The following NRG2 variants were observed in gnomAD, a reference collection of about 807,000 sequenced individuals.
NRG2 encodes the protein pro-neuregulin-2, membrane-bound isoform.
NRG2 carries 27 observed loss-of-function variants against 73.9 expected under a neutral mutation model. The ratio of observed to expected loss-of-function variants is 0.37; its 90% CI spans 0.27 to 0.50. The LOEUF (loss-of-function observed/expected upper bound fraction) is 0.50, where lower values mean the gene tolerates loss of function less well. Among genes scored for constraint, NRG2 ranks in the 20% least tolerant of loss-of-function variants. The pLI, the probability that NRG2 is intolerant of heterozygous loss-of-function variation, is 0.96. For synonymous variants in NRG2, 532 were observed against 541.0 expected, an observed-to-expected ratio of 0.98 and a Z score of 0.23; for missense variants, 1,126 against 1,210.1, an observed-to-expected ratio of 0.93 and a Z score of 1.03.
At chr5:139,876,073 G>C (rs1763158764) in intron 3 of NRG2, among the ~76,000 whole-genome samples, 1 of 152,160 alleles carries the variant, frequency 6.6e-6, no homozygotes. Flanking sequence ...CAGCCAAAAT[G>C]TGGAAACAAT....
chr5:139,909,359 G>A (rs1453252200), intron 1 of NRG2, among the ~76,000 whole-genome samples: 2 of 152,174 alleles, frequency 1.3e-5, no homozygotes, highest in Non-Finnish European at 2.9e-5. Context: ...GGGACTCCGA[G>A]TCTTACCTAT....
At chr5:139,972,736 G>A (rs976989674) in intron 1 of NRG2, among the ~76,000 whole-genome samples, 1 of 151,856 alleles carries the variant, frequency 6.6e-6, no homozygotes, top group Non-Finnish European at 1.5e-5. Context: ...AAAAAGAATG[G>A]CACAAAACTA....
rs1482052558 is a variant in NRG2 at position 139,904,347 on chromosome 5, C to T, written c.701-16836G>A. The T allele has an allele frequency of 3.8e-6, 6 of 1,593,356 alleles. No individual in the cohort carries two copies. Among genetic ancestry groups the T allele is most frequent in the Non-Finnish European group, 4.2e-6 (5 of 1,177,912 alleles). On this transcript the variant is annotated intron_variant, in intron 1 of 9. Coordinates refer to ENST00000361474, the MANE Select transcript of NRG2 (RefSeq NM_004883.3). The surrounding 1 kb of genome is among the most constrained non-coding windows in gnomAD (Gnocchi z 6.0). ...CGGGCTCCCTCTCCCGCTTCCTCCC[C>T]TCTGGGTGCTTCTTGCCGCGGCCGC...
chr5:139,970,450 G>T lies in NRG2; in HGVS notation c.700+71920C>A, dbSNP rs914441057. ...CAACATCCCCACCTCCACTGGAGGG[G>T]CCCTCAAGAGTGAGCCACTAGAAGA... is the stretch of plus-strand genomic sequence containing the variant. On this transcript the variant is annotated intron_variant, in intron 1 of 9. Coordinates refer to ENST00000361474, the MANE Select transcript of NRG2 (RefSeq NM_004883.3). Among the ~76,000 whole-genome samples, 161 of 151,354 alleles carry T rather than the reference G, an allele frequency of 1.1e-3. 3 individuals carry two copies. The highest frequency in any genetic ancestry group is 4.6e-4 in the Admixed American group (7 of 15,112).
intron 1 of NRG2, among the ~76,000 whole-genome samples, chr5:139,911,111 C>T (rs986568517): frequency 2.0e-5 from 3 of 151,784 alleles, no homozygotes; most frequent in Non-Finnish European, 2.9e-5. Flanking sequence ...GGGAGCAGGA[C>T]GGGGAGAGGA....
rs546799107 is a variant in NRG2, at chr5:140,017,930, T to C, written c.700+24440A>G. On this transcript the variant is annotated intron_variant, in intron 1 of 9. Coordinates refer to ENST00000361474, the MANE Select transcript of NRG2 (RefSeq NM_004883.3). Reference sequence around the variant, plus strand: ...GTGAGAAGGGATGGACCACAGGACATAGTGGGAGGACTGGCCTCAGACTAG... The same window carrying C: ...GTGAGAAGGGATGGACCACAGGACACAGTGGGAGGACTGGCCTCAGACTAG... 5.9e-5 allele frequency among the ~76,000 whole-genome samples: 9 copies of C among 152,146 alleles called. No individual in the cohort carries two copies. In the East Asian group the frequency reaches 1.7e-3, roughly 29 times the overall value.
intron 6 of NRG2, 91 bp downstream of exon 6, chr5:139,855,585 T>TG: frequency 1.8e-6 from 2 of 1,106,660 alleles, no homozygotes. Context: ...AGGGCTCCAG[T>TG]GGGGTGGGGG....
In NRG2 at chr5:139,904,244, G is replaced by A; in HGVS notation, c.701-16733C>T. 6.5e-7 allele frequency: 1 copy of A among 1,528,982 alleles called. No individual in the cohort carries two copies. Among genetic ancestry groups the A allele is most frequent in the Non-Finnish European group, 8.8e-7 (1 of 1,142,006 alleles). 94.7% of individuals were successfully genotyped at this position (1,528,982 alleles called of 1,614,324 possible). A position where few individuals can be genotyped will look rare whatever the true frequency, so the allele number is the denominator to read the frequency against. ...ACTCACCCGCGCTGCGCTGGGGGCG[G>A]GTGAGCGGGCGGCAGGTTTCTCCCA... On this transcript the variant is annotated intron_variant, in intron 1 of 9. Transcript: ENST00000361474. This position sits in a 1 kb window ranked among gnomAD's most constrained non-coding sequence, Gnocchi z 6.0.
intron 3 of NRG2, among the ~76,000 whole-genome samples, chr5:139,879,169 C>T (rs1293358667): frequency 2.0e-5 from 3 of 152,146 alleles, no homozygotes; most frequent in South Asian, 4.1e-4. Flanking sequence ...TCAATAAATA[C>T]TGGCTATGAT....
intron 1 of NRG2, among the ~76,000 whole-genome samples, chr5:139,943,610 T>A (rs1753573300): frequency 6.6e-6 from 1 of 152,256 alleles, no homozygotes; most frequent in South Asian, 2.1e-4. Context: ...ATGTCTATAA[T>A]GCCATTGTGT....
At chr5:140,038,684 G>A (rs560947835) in intron 1 of NRG2, among the ~76,000 whole-genome samples, 1 of 152,308 alleles carries the variant, frequency 6.6e-6, no homozygotes, top group East Asian at 1.9e-4. Context: ...AGTACGAAAC[G>A]CGGCAGGGCA....
intron 1 of NRG2, among the ~76,000 whole-genome samples, chr5:139,900,128 C>T (rs1205957893): frequency 6.6e-6 from 1 of 152,006 alleles, no homozygotes; most frequent in Admixed American, 6.5e-5. Flanking sequence ...AGGCTCAGCT[C>T]CAATGTCATC....
intron 1 of NRG2, among the ~76,000 whole-genome samples, chr5:139,997,888 C>T (rs1359992813): frequency 1.3e-5 from 2 of 152,192 alleles, no homozygotes; most frequent in Non-Finnish European, 2.9e-5. Flanking sequence ...CCGGGTTTCC[C>T]GCTGGGGAGG....
At chr5:139,981,846 C>T (rs998863058) in intron 1 of NRG2, among the ~76,000 whole-genome samples, 2 of 152,212 alleles carry the variant, frequency 1.3e-5, no homozygotes, top group African/African-American at 2.4e-5. Context: ...ACAGAGCAAG[C>T]TCCCAGTATC....
rs145796771 is a variant in NRG2, at chr5:140,042,541, C to G, written c.529G>C (p.Glu177Gln). 4 of 1,612,726 alleles carry G rather than the reference C, an allele frequency of 2.5e-6. No homozygotes were observed. The highest frequency in any genetic ancestry group is 2.2e-5 in the East Asian group (1 of 44,792). The change falls in exon 1 of 10, where the codon GAG (glutamate) becomes CAG (glutamine). Residue 177 changes from glutamate (E) to glutamine (Q), a missense_variant. Physicochemically the swap from Glu to Gln is conservative, Grantham distance 29 (BLOSUM62 2). This residue lies in a region of NRG2 where 539 missense variants were observed against 703.2 expected (regional missense o/e 0.77). Transcript: ENST00000361474. Reference sequence around the variant, plus strand: ...CAGGAGCCCACGCTGATCACCTGCTCGCGCTGCAGCCCCCCGCTCCGGAGC... The same window carrying G: ...CAGGAGCCCACGCTGATCACCTGCTGGCGCTGCAGCCCCCCGCTCCGGAGC... ...WPLRSGGLQREQVISVGSCVP... is the reference protein window; with the variant it reads ...WPLRSGGLQRQQVISVGSCVP...
chr5:140,041,964 C>T (rs1210589046), intron 1 of NRG2, among the ~76,000 whole-genome samples: 1 of 152,066 alleles, frequency 6.6e-6, no homozygotes, highest in African/African-American at 2.4e-5. Context: ...AGCCTGGGCA[C>T]GGCAGGCCCG....
chr5:139,974,741 C>T (rs545356624), intron 1 of NRG2, among the ~76,000 whole-genome samples: 27 of 152,326 alleles, frequency 1.8e-4, no homozygotes, highest in Admixed American at 1.6e-3. Flanking sequence ...TGGTCCTCCA[C>T]CCAGCCTCGG....
rs932054241 is a variant in NRG2, at chr5:139,904,111, G to C, written c.701-16600C>G. Reference sequence around the variant, plus strand: ...GGGAGAGGCGCGCACAGCCACTGTCGGGCTCCTGGCACGCAGCCCCTTGCT... The same window carrying C: ...GGGAGAGGCGCGCACAGCCACTGTCCGGCTCCTGGCACGCAGCCCCTTGCT... On this transcript the variant is annotated intron_variant, in intron 1 of 9. Coordinates refer to ENST00000361474, the MANE Select transcript of NRG2 (RefSeq NM_004883.3). This position sits in a 1 kb window ranked among gnomAD's most constrained non-coding sequence, Gnocchi z 6.0. Among the ~76,000 whole-genome samples the C allele has an allele frequency of 6.6e-6, 1 of 152,100 alleles. No individual in the cohort carries two copies. Among genetic ancestry groups the C allele is most frequent in the East Asian group, 1.9e-4 (1 of 5,164 alleles).
intron 1 of NRG2, among the ~76,000 whole-genome samples, chr5:140,020,926 C>T (rs1371568328): frequency 6.6e-6 from 1 of 152,128 alleles, no homozygotes; most frequent in Admixed American, 6.6e-5. Context: ...GTAGGACATG[C>T]CTGCCAGAAG....
Sources: allele counts gnomAD v4.1 joint callset (sites outside exome capture counted in the v4.1 genomes callset), GRCh38; gene constraint gnomAD v4.1.1; regional missense constraint gnomAD v4.1.1; non-coding constraint Gnocchi (gnomAD v3.1); transcripts MANE v1.5; gene names NCBI Gene and HGNC (gene_info 2026-07-23, HGNC 2026-07-21).